Variants in CLSTN2 observed in about 807,000 individuals in gnomAD.
CLSTN2 encodes the protein calsyntenin-2.
In CLSTN2, 48 loss-of-function variants were observed where a neutral mutation model predicts 101.2. That is an observed-to-expected ratio of 0.47 (90% confidence interval 0.38 to 0.60). The LOEUF is 0.60. CLSTN2 is among the 20% of genes least tolerant of loss of function. The pLI is 0.00. For missense variants in CLSTN2, 1,160 were observed against 1,238.2 expected (o/e 0.94, Z 0.95); for synonymous variants, 481 against 463.6 (o/e 1.04, Z -0.48).
At chr3:140,057,449 T>C (rs1167106055) in intron 1 of CLSTN2, among the ~76,000 whole-genome samples, 1 of 152,250 alleles carries the variant, frequency 6.6e-6, no homozygotes, top group African/African-American at 2.4e-5. Flanking sequence ...AGTAGCAACG[T>C]TCTTCATTCT....
In CLSTN2 at chr3:140,567,420, T is replaced by G. The variant is rs1235503764; in HGVS notation, c.*1167T>G. On this transcript the variant is annotated 3_prime_UTR_variant, in exon 17 of 17. Transcript: ENST00000458420. ...GAAGCATATTTGCAATCATTGCAGC[T>G]TCTTCTTTCTTCTGCTCATAAAAGG... 2.6e-5 allele frequency: 4 copies of G among 152,224 alleles called. No individual in the cohort carries two copies. Among genetic ancestry groups the G allele is most frequent in the Non-Finnish European group, 5.9e-5 (4 of 68,046 alleles). The allele number at this position is 152,224 out of a possible 1,614,324, so 9.4% of individuals were successfully genotyped here.
chr3:140,092,060 C>G lies in CLSTN2; in HGVS notation c.110-83891C>G, dbSNP rs139774368. Among the ~76,000 whole-genome samples, 854 of 152,236 alleles carry G rather than the reference C, an allele frequency of 5.6e-3. 13 individuals are homozygous for G. The highest frequency in any genetic ancestry group is 0.038 in the East Asian group (194 of 5,172). ...TCCCTACCAGCCCGTTGGATCAGCC[C>G]CACCCTCTAAGTCTGTCTGCAAAGG... On this transcript the variant is annotated intron_variant, in intron 1 of 16. Transcript: ENST00000458420.
rs528863744 is a variant in CLSTN2, at chr3:139,982,991, T to A, written c.109+47508T>A. 2.1e-4 allele frequency among the ~76,000 whole-genome samples: 31 copies of A among 150,242 alleles called. No individual in the cohort carries two copies. The East Asian group carries it at 5.7e-3, about 27-fold the overall frequency. ...ATATATACTTTATATATATAGTGTA[T>A]ATATATAATCTGGCTGTGCATGAGA... On this transcript the variant is annotated intron_variant, in intron 1 of 16. Transcript: ENST00000458420.
intron 5 of CLSTN2, among the ~76,000 whole-genome samples, chr3:140,437,075 G>A (rs2088695867): frequency 6.9e-6 from 1 of 144,204 alleles, no homozygotes; most frequent in Admixed American, 7.1e-5. Context: ...TTGAGACTGA[G>A]TCTTGCTCTG....
chr3:139,938,140 CAAAAA>C (rs66697366), intron 1 of CLSTN2, among the ~76,000 whole-genome samples: 1 of 94,748 alleles, frequency 1.1e-5, no homozygotes, highest in African/African-American at 4.2e-5. Flanking sequence ...ATTCCCATCA[CAAAAA>C]AAAAAAAAAA....
intron 1 of CLSTN2, among the ~76,000 whole-genome samples, chr3:140,015,188 G>T (rs2007176525): frequency 6.6e-6 from 1 of 152,174 alleles, no homozygotes. Context: ...TAGCAAATCT[G>T]CCCTAACTTT....
At chr3:140,204,995 G>A (rs2010761983) in intron 2 of CLSTN2, among the ~76,000 whole-genome samples, 1 of 152,144 alleles carries the variant, frequency 6.6e-6, no homozygotes, top group Non-Finnish European at 1.5e-5. Context: ...AGGGAGTTGG[G>A]GAATCAGGAG....
At chr3:140,369,860 C>G (rs1239879383) in intron 2 of CLSTN2, among the ~76,000 whole-genome samples, 1 of 152,196 alleles carries the variant, frequency 6.6e-6, no homozygotes, top group South Asian at 2.1e-4. Context: ...TAGCACCACC[C>G]AAAGCAGCCA....
chr3:140,251,958 T>A (rs904146049), intron 2 of CLSTN2, among the ~76,000 whole-genome samples: 2 of 152,270 alleles, frequency 1.3e-5, no homozygotes, highest in African/African-American at 4.8e-5. Context: ...CAGGGTTTGA[T>A]GTGGCAGCTG....
intron 1 of CLSTN2, among the ~76,000 whole-genome samples, chr3:140,107,586 G>A (rs2009080632): frequency 6.6e-6 from 1 of 152,136 alleles, no homozygotes; most frequent in African/African-American, 2.4e-5. Context: ...ATACTATTCT[G>A]AGTACAACTG....
chr3:140,090,693 G>A (rs1184956972), intron 1 of CLSTN2, among the ~76,000 whole-genome samples: 1 of 152,150 alleles, frequency 6.6e-6, no homozygotes, highest in Non-Finnish European at 1.5e-5. Context: ...CACCAGCCAG[G>A]AAAGACTTCC....
intron 1 of CLSTN2, among the ~76,000 whole-genome samples, chr3:140,003,095 T>A (rs2107748248): frequency 6.6e-6 from 1 of 152,356 alleles, no homozygotes; most frequent in South Asian, 2.1e-4. Context: ...TCTATTTCTG[T>A]GAAGAATGTA....
At chr3:140,117,991 C>T (rs1270610051) in intron 1 of CLSTN2, among the ~76,000 whole-genome samples, 2 of 152,330 alleles carry the variant, frequency 1.3e-5, no homozygotes, top group East Asian at 1.9e-4. Flanking sequence ...CCCTAAGCCC[C>T]AGTACCTCAG....
intron 1 of CLSTN2, among the ~76,000 whole-genome samples, chr3:140,075,929 T>C (rs548379767): frequency 2.6e-5 from 4 of 151,864 alleles, no homozygotes; most frequent in Non-Finnish European, 5.9e-5. Context: ...AAAAAAAAAA[T>C]TGTAGTAAGA....
chr3:140,136,958 G>A (rs1028054352), intron 1 of CLSTN2, among the ~76,000 whole-genome samples: 1 of 152,190 alleles, frequency 6.6e-6, no homozygotes, highest in Non-Finnish European at 1.5e-5. Context: ...GCTATAACAT[G>A]TGGGACTATT....
At chr3:140,539,243 G>A (rs1935420753) in intron 9 of CLSTN2, among the ~76,000 whole-genome samples, 1 of 152,046 alleles carries the variant, frequency 6.6e-6, no homozygotes. Context: ...CTATTCTTGA[G>A]GCTACTTTGA....
intron 1 of CLSTN2, among the ~76,000 whole-genome samples, chr3:140,032,332 CTTTTTTTTT>C (rs982523156): frequency 8.3e-6 from 1 of 120,374 alleles, no homozygotes; most frequent in African/African-American, 3.1e-5. Flanking sequence ...CTAACAAGTA[CTTTTTTTTT>C]TTTTTTTTTT....
At chr3:139,972,717 G>A (rs1193550884) in intron 1 of CLSTN2, among the ~76,000 whole-genome samples, 2 of 152,122 alleles carry the variant, frequency 1.3e-5, no homozygotes, top group Non-Finnish European at 2.9e-5. Flanking sequence ...ACAGTGAAGG[G>A]GATTCATGAT....
intron 2 of CLSTN2, among the ~76,000 whole-genome samples, chr3:140,334,007 T>C (rs1276624686): frequency 6.6e-6 from 1 of 152,144 alleles, no homozygotes. Flanking sequence ...ACTGTTGTTA[T>C]GGAAAGAGCA....
Sources: allele counts gnomAD v4.1 joint callset (sites outside exome capture counted in the v4.1 genomes callset), GRCh38; gene constraint gnomAD v4.1.1; transcripts MANE v1.5; gene names NCBI Gene and HGNC (gene_info 2026-07-23, HGNC 2026-07-21).